ZNF34: variants seen among roughly 807,000 people sequenced by gnomAD.
ZNF34 encodes the protein zinc finger protein 34.
A neutral mutation model predicts 14.4 loss-of-function variants in ZNF34; 8 were observed. The observed-to-expected ratio is 0.55, with a 90% CI of 0.33 to 1.00. The LOEUF (loss-of-function observed/expected upper bound fraction) is 1.00, where lower values mean the gene tolerates loss of function less well. ZNF34 is among the 50% of genes least tolerant of loss of function. The pLI is 0.03. For synonymous variants in ZNF34, 235 were observed against 247.9 expected, an observed-to-expected ratio of 0.95 and a Z score of 0.49; for missense variants, 538 against 674.2, an observed-to-expected ratio of 0.80 and a Z score of 2.24.
intron 1 of ZNF34, among the ~76,000 whole-genome samples, chr8:144,784,615 G>A (rs187905541): frequency 3.3e-5 from 5 of 151,698 alleles, no homozygotes; most frequent in East Asian, 1.9e-4. Flanking sequence ...AAAATTAGCC[G>A]GGCGTGGTGG....
chr8:144,777,938 C>T lies in ZNF34; in HGVS notation c.160+100G>A, dbSNP rs1825625859. 6.6e-7 allele frequency: 1 copy of T among 1,524,536 alleles called. No individual in the cohort carries two copies. The highest frequency in any genetic ancestry group is 2.4e-5 in the East Asian group (1 of 41,312). The allele number at this position is 1,524,536 out of a possible 1,614,324, so 94.4% of individuals were successfully genotyped here. On this transcript the variant is annotated intron_variant, in intron 4 of 5. Transcript: ENST00000429371. This position sits in a 1 kb window ranked among gnomAD's most constrained non-coding sequence, Gnocchi z 4.8. ...GGTGCCTGCCTGGGATAAAGGTCAT[C>T]ACCTATCTGTGCCCAGGGGGTGAGG...
At position 144,779,501 on chromosome 8, in the gene ZNF34, A is replaced by ACC. The variant is rs1462715413; in HGVS notation, c.-55+725_-55+726dup. 6.6e-6 allele frequency among the ~76,000 whole-genome samples: 1 copy of ACC among 152,028 alleles called. No individual in the cohort carries two copies. The highest frequency in any genetic ancestry group is 2.4e-5 in the African/African-American group (1 of 41,388). On this transcript the variant is annotated intron_variant, in intron 2 of 5. Coordinates refer to ENST00000429371, the MANE Select transcript of ZNF34 (RefSeq NM_001286769.2). The surrounding 1 kb of genome is among the most constrained non-coding windows in gnomAD (Gnocchi z 4.1). The stretch of plus-strand genomic sequence containing the variant: ...ATACTAGCGTTGGCCCCCTGGACCC[A>ACC]CCTTAAGTACTCTTAACCTGTCTTT...
chr8:144,775,566 A>G (rs184350547), intron 5 of ZNF34, among the ~76,000 whole-genome samples: 1 of 152,316 alleles, frequency 6.6e-6, no homozygotes, highest in East Asian at 1.9e-4. Context: ...TCCATGAAAC[A>G]CAAGCAGCTC....
Position 144,777,994 on chromosome 8 carries a change from C to G in ZNF34, c.160+44G>C. 1 of 1,608,662 alleles carries G rather than the reference C, an allele frequency of 6.2e-7. No homozygotes were observed. Among genetic ancestry groups the G allele is most frequent in the South Asian group, 1.1e-5 (1 of 90,596 alleles). On this transcript the variant is annotated intron_variant, in intron 4 of 5. Transcript: ENST00000429371. The surrounding 1 kb of genome is among the most constrained non-coding windows in gnomAD (Gnocchi z 4.8). ...AGCCCAGCCTCTGCTGAGCCCTTAG[C>G]CCCCAGGGCTGTTCCCAGAGCTGAG...
chr8:144,774,414 C>A lies in ZNF34; in HGVS notation c.472G>T (p.Gly158Trp). The A allele has an allele frequency of 6.2e-7, 1 of 1,613,896 alleles. No homozygotes were observed. Among genetic ancestry groups the A allele is most frequent in the Non-Finnish European group, 8.5e-7 (1 of 1,179,846 alleles). ...CTTGACAGCAACCTGAGGTTTCCCC[C>A]AGACTCCCTGCTGCTCTCCCCGTTG... ...LTNGESSRES[G>W]GNLRLLSRPV... The change falls in exon 6 of 6, where the codon GGG becomes TGG. Residue 158 changes from glycine to tryptophan, a missense_variant. This residue lies in a region of ZNF34 where 431 missense variants were observed against 525.7 expected (regional missense o/e 0.82). Coordinates refer to ENST00000429371, the MANE Select transcript of ZNF34 (RefSeq NM_001286769.2).
At position 144,774,015 on chromosome 8, in the gene ZNF34, A is replaced by C; in HGVS notation, c.871T>G (p.Cys291Gly). The C allele has an allele frequency of 1.2e-6, 2 of 1,613,826 alleles. No individual in the cohort carries two copies. Among genetic ancestry groups the C allele is most frequent in the Non-Finnish European group, 1.7e-6 (2 of 1,179,936 alleles). Reference protein sequence around the residue: ...SGEIPYRCDECGKTFTRRPNL... With the variant: ...SGEIPYRCDEGGKTFTRRPNL... ...GGCCTCCGGGTGAATGTCTTCCCAC[A>C]CTCGTCACACCGGTAGGGAATCTCT... The change falls in exon 6 of 6, where the codon TGT becomes GGT. Residue 291 changes from cysteine to glycine, a missense_variant. This residue lies in a region of ZNF34 where 431 missense variants were observed against 525.7 expected (regional missense o/e 0.82). Coordinates refer to ENST00000429371, the MANE Select transcript of ZNF34 (RefSeq NM_001286769.2).
chr8:144,774,532 A>C lies in ZNF34; in HGVS notation c.354T>G (p.Ser118=). ...TGTGGTCACAGGCTTCTACTGGCTC[A>C]GATCCCTGGGGATCTTCCTCACCAA... ...ETFGEEDPQG[S]EPVEACDHIS... is the part of the protein sequence containing the mutation. Residue 118 remains serine (S), a synonymous_variant, in exon 6 of 6, where the codon TCT becomes TCG. Transcript: ENST00000429371. 6.2e-7 allele frequency: 1 copy of C among 1,613,958 alleles called. No homozygotes were observed. Among genetic ancestry groups the C allele is most frequent in the Non-Finnish European group, 8.5e-7 (1 of 1,179,882 alleles).
chr8:144,782,964 G>C (rs985284730), intron 1 of ZNF34, among the ~76,000 whole-genome samples: 1 of 147,762 alleles, frequency 6.8e-6, no homozygotes. Context: ...TTGAATCTAT[G>C]CTCCCAGGTT....
intron 2 of ZNF34, among the ~76,000 whole-genome samples, chr8:144,778,726 T>C (rs7004501): frequency 0.44 from 67,133 of 151,312 alleles, 15,611 homozygotes; most frequent in Middle Eastern, 0.55. Context: ...CACCTCTTTT[T>C]TTTCTTTCTT....
intron 1 of ZNF34, among the ~76,000 whole-genome samples, chr8:144,781,101 C>A (rs924435376): frequency 6.7e-6 from 1 of 150,102 alleles, no homozygotes; most frequent in African/African-American, 2.5e-5. Flanking sequence ...CACCACTGCA[C>A]TCCAGCCTGG....
intron 1 of ZNF34, among the ~76,000 whole-genome samples, chr8:144,786,324 T>C (rs539522687): frequency 6.6e-6 from 1 of 150,570 alleles, no homozygotes; most frequent in African/African-American, 2.4e-5. Context: ...AAAAACAGTA[T>C]TAGGTTTGTA....
intron 1 of ZNF34, among the ~76,000 whole-genome samples, chr8:144,783,283 C>T (rs1250778858): frequency 6.6e-6 from 1 of 152,120 alleles, no homozygotes; most frequent in East Asian, 1.9e-4. Flanking sequence ...GTTCGCAACA[C>T]TAAGAGGACA....
In ZNF34 at chr8:144,773,929, A is replaced by G. The variant is rs1376961632; in HGVS notation, c.957T>C (p.Cys319=). ...AAGAGTAGGCGCTAAAGTGCTTCCCACACTCCCCACACTTGTAGGGTTTCT... is the reference window on the plus strand; with the variant it reads ...AAGAGTAGGCGCTAAAGTGCTTCCCGCACTCCCCACACTTGTAGGGTTTCT... ...TGEKPYKCGE[C]GKHFSAYSSL... Residue 319 remains cysteine (C), a synonymous_variant, in exon 6 of 6, where the codon TGT becomes TGC. Transcript: ENST00000429371. This position sits in a 1 kb window ranked among gnomAD's most constrained non-coding sequence, Gnocchi z 5.4. 2.5e-6 allele frequency: 4 copies of G among 1,613,966 alleles called. No homozygotes were observed. The highest frequency in any genetic ancestry group is 3.4e-6 in the Non-Finnish European group (4 of 1,179,998).
intron 1 of ZNF34, among the ~76,000 whole-genome samples, chr8:144,783,786 A>G (rs1826043381): frequency 6.6e-6 from 1 of 152,260 alleles, no homozygotes; most frequent in African/African-American, 2.4e-5. Context: ...TATTTTGTGC[A>G]ATTATAATAA....
At chr8:144,784,689 C>T (rs972460471) in intron 1 of ZNF34, among the ~76,000 whole-genome samples, 4 of 151,850 alleles carry the variant, frequency 2.6e-5, no homozygotes, top group African/African-American at 7.3e-5. Context: ...ACCCGGGAGG[C>T]GGAGGTTGCA....
chr8:144,780,847 A>G (rs1313072897), intron 1 of ZNF34, among the ~76,000 whole-genome samples: 1 of 151,384 alleles, frequency 6.6e-6, no homozygotes, highest in Non-Finnish European at 1.5e-5. Flanking sequence ...AAAACACTGC[A>G]TATTACTGGC....
intron 1 of ZNF34, among the ~76,000 whole-genome samples, chr8:144,786,073 CT>C (rs1385421782): frequency 1.3e-5 from 2 of 150,828 alleles, no homozygotes; most frequent in Non-Finnish European, 2.9e-5. Flanking sequence ...CAAGCTCCGC[CT>C]CCCGAGTTGA....
At chr8:144,781,332 G>A (rs933249318) in intron 1 of ZNF34, among the ~76,000 whole-genome samples, 2 of 149,218 alleles carry the variant, frequency 1.3e-5, no homozygotes, top group Non-Finnish European at 3.0e-5. Context: ...ACAGTGGCGC[G>A]ATCTTGGCTC....
At position 144,780,401 on chromosome 8, in the gene ZNF34, A is replaced by G. The variant is rs1825789963; in HGVS notation, c.-107-121T>C. On this transcript the variant is annotated intron_variant, in intron 1 of 5. Coordinates refer to ENST00000429371, the MANE Select transcript of ZNF34 (RefSeq NM_001286769.2). ...TCTTTAAAGCTTTTTATTTAAGTATATTTTTATCATAAAAGTTGACAAATC... is the reference window on the plus strand; with the variant it reads ...TCTTTAAAGCTTTTTATTTAAGTATGTTTTTATCATAAAAGTTGACAAATC... 24 of 759,574 alleles carry G rather than the reference A, an allele frequency of 3.2e-5. No homozygotes were observed. The Admixed American group carries it at 6.4e-4, about 20-fold the overall frequency. The allele number at this position is 759,574 out of a possible 1,614,324, so 47.1% of individuals were successfully genotyped here. A position where few individuals can be genotyped will look rare whatever the true frequency, so the allele number is the denominator to read the frequency against.
Sources: allele counts gnomAD v4.1 joint callset (sites outside exome capture counted in the v4.1 genomes callset), GRCh38; gene constraint gnomAD v4.1.1; regional missense constraint gnomAD v4.1.1; non-coding constraint Gnocchi (gnomAD v3.1); transcripts MANE v1.5; gene names NCBI Gene and HGNC (gene_info 2026-07-23, HGNC 2026-07-21).